Variants in LTBP1 observed in about 807,000 individuals in gnomAD.
LTBP1 encodes latent transforming growth factor beta binding protein 1, also known as latent-transforming growth factor beta-binding protein 1.
Under a neutral mutation model 207.6 loss-of-function variants are expected in LTBP1, and 129 were observed. That is an observed-to-expected ratio of 0.62 (90% confidence interval 0.54 to 0.72). LTBP1 has a LOEUF of 0.72. Among genes scored for constraint, LTBP1 ranks in the 30% least tolerant of loss-of-function variants. The pLI, the probability that LTBP1 is intolerant of heterozygous loss-of-function variation, is 0.00. For synonymous variants in LTBP1, 963 were observed against 833.7 expected (o/e 1.16, Z -2.67); for missense variants, 2,281 against 2,217.2 (o/e 1.03, Z -0.58).
chr2:32,984,578 A>G (rs927787664), intron 2 of LTBP1, among the ~76,000 whole-genome samples: 15 of 152,212 alleles, frequency 9.9e-5, no homozygotes, highest in Non-Finnish European at 1.8e-4. Flanking sequence ...AAAAGAAGTG[A>G]CTTTCCAGTT....
intron 3 of LTBP1, among the ~76,000 whole-genome samples, chr2:33,066,210 T>C (rs763574251): frequency 2.6e-5 from 4 of 152,224 alleles, no homozygotes; most frequent in Non-Finnish European, 4.4e-5. Context: ...TTTTTCTATA[T>C]GGTTTTTGGC....
At chr2:33,346,144 G>A (rs2094698014) in intron 25 of LTBP1, among the ~76,000 whole-genome samples, 1 of 152,154 alleles carries the variant, frequency 6.6e-6, no homozygotes, top group African/African-American at 2.4e-5. Flanking sequence ...GGTGTCATGA[G>A]ATCAGTGATT....
At chr2:33,026,950 C>T (rs1292684997) in intron 3 of LTBP1, among the ~76,000 whole-genome samples, 1 of 152,232 alleles carries the variant, frequency 6.6e-6, no homozygotes, top group African/African-American at 2.4e-5. Flanking sequence ...TTCCTCCTCA[C>T]CGGAGGGAGC....
chr2:33,379,879 C>T (rs953397575), intron 31 of LTBP1, among the ~76,000 whole-genome samples: 26 of 152,178 alleles, frequency 1.7e-4, no homozygotes, highest in African/African-American at 6.3e-4. Flanking sequence ...ACCTTGAGAT[C>T]TGAACTTCTG....
chr2:33,188,966 T>C, intron 7 of LTBP1, 115 bp downstream of exon 7: 1 of 1,211,958 alleles, frequency 8.3e-7, no homozygotes, highest in Non-Finnish European at 1.1e-6. Context: ...TGACAAACTA[T>C]GACTTGTGGC....
chr2:33,184,110 A>G (rs2086936674), intron 5 of LTBP1, among the ~76,000 whole-genome samples: 1 of 151,980 alleles, frequency 6.6e-6, no homozygotes, highest in East Asian at 1.9e-4. Context: ...CATCCTAATT[A>G]TATGTTTTTC....
intron 5 of LTBP1, among the ~76,000 whole-genome samples, chr2:33,185,781 C>T (rs1244739369): frequency 5.4e-5 from 8 of 147,582 alleles, no homozygotes; most frequent in Non-Finnish European, 9.2e-5. Context: ...AAACATAAAC[C>T]GGCCCAAGAT....
At chr2:33,188,981 T>G in intron 7 of LTBP1, 130 bp downstream of exon 7, 2 of 1,088,978 alleles carry the variant, frequency 1.8e-6, no homozygotes, top group Non-Finnish European at 2.6e-6. Context: ...TGTGGCCATA[T>G]TTTTGTAAAT....
At chr2:33,026,680 A>G (rs147944280) in intron 3 of LTBP1, among the ~76,000 whole-genome samples, 1,768 of 152,358 alleles carry the variant, frequency 0.012, 13 homozygotes, top group Middle Eastern at 0.031. Flanking sequence ...ACTCACTCCA[A>G]GGTGCTCAGT....
At chr2:33,258,412 G>A (rs2092919221) in intron 12 of LTBP1, among the ~76,000 whole-genome samples, 1 of 152,170 alleles carries the variant, frequency 6.6e-6, no homozygotes, top group Admixed American at 6.5e-5. Context: ...GGCTAGTGTT[G>A]TGTTGGGAGT....
chr2:33,112,084 A>G (rs10153719), intron 4 of LTBP1, among the ~76,000 whole-genome samples: 8,001 of 152,238 alleles, frequency 0.053, 673 homozygotes, highest in African/African-American at 0.18. Context: ...CAATTTTTTT[A>G]AAAGATCTCC....
intron 32 of LTBP1, among the ~76,000 whole-genome samples, chr2:33,390,410 G>T (rs1349667736): frequency 6.6e-6 from 1 of 152,114 alleles, no homozygotes; most frequent in Non-Finnish European, 1.5e-5. Context: ...CTCACTTCAA[G>T]AACGAGAACA....
At chr2:33,245,296 T>C (rs930255098) in intron 10 of LTBP1, among the ~76,000 whole-genome samples, 2 of 152,240 alleles carry the variant, frequency 1.3e-5, no homozygotes, top group African/African-American at 4.8e-5. Flanking sequence ...CATTCATTTT[T>C]AACGAAGCTT....
intron 5 of LTBP1, among the ~76,000 whole-genome samples, chr2:33,172,334 A>C (rs551735980): frequency 6.6e-6 from 1 of 152,286 alleles, no homozygotes; most frequent in Non-Finnish European, 1.5e-5. Context: ...GGAAAACAAA[A>C]AAAGGCAGGG....
chr2:33,279,621 G>A (rs2148535217), intron 18 of LTBP1, among the ~76,000 whole-genome samples: 1 of 152,210 alleles, frequency 6.6e-6, no homozygotes, highest in South Asian at 2.1e-4. Flanking sequence ...TTTCCCTAGA[G>A]CATCCAATGT....
chr2:33,169,265 C>T (rs1383291725), intron 5 of LTBP1, among the ~76,000 whole-genome samples: 1 of 152,152 alleles, frequency 6.6e-6, no homozygotes, highest in Non-Finnish European at 1.5e-5. Context: ...TTGCATTCTT[C>T]CTCTGTTCTT....
At chr2:33,217,936 CA>C (rs1439618636) in intron 8 of LTBP1, among the ~76,000 whole-genome samples, 8 of 152,094 alleles carry the variant, frequency 5.3e-5, no homozygotes, top group Non-Finnish European at 7.4e-5. Flanking sequence ...CTTTTTGTCT[CA>C]GGGGAAGAGA....
At chr2:33,319,279 T>C (rs1490909660) in intron 24 of LTBP1, among the ~76,000 whole-genome samples, 2 of 151,968 alleles carry the variant, frequency 1.3e-5, no homozygotes, top group African/African-American at 4.8e-5. Flanking sequence ...GCACCTGTCA[T>C]CCCAGCTACT....
chr2:33,258,164 C>G (rs535326725), intron 12 of LTBP1, among the ~76,000 whole-genome samples: 1 of 152,230 alleles, frequency 6.6e-6, no homozygotes, highest in African/African-American at 2.4e-5. Context: ...GACTTTGACT[C>G]TCTCTCTGGC....
Sources: allele counts gnomAD v4.1 joint callset (sites outside exome capture counted in the v4.1 genomes callset), GRCh38; gene constraint gnomAD v4.1.1; transcripts MANE v1.5; gene names NCBI Gene and HGNC (gene_info 2026-07-23, HGNC 2026-07-21).